NSD1: variants seen among roughly 807,000 people sequenced by gnomAD.
NSD1 encodes the protein nuclear receptor binding SET domain protein 1, also known as histone-lysine N-methyltransferase, H3 lysine-36 specific.
In NSD1, 26 loss-of-function variants were observed where a neutral mutation model predicts 242.7. The observed-to-expected ratio is 0.11, with a 90% CI of 0.08 to 0.15. The LOEUF is 0.15. Among genes scored for constraint, NSD1 ranks in the 10% least tolerant of loss-of-function variants. The pLI is 1.00. For synonymous variants in NSD1, 1,106 were observed against 1,178.1 expected (o/e 0.94, Z 1.25); for missense variants, 2,495 against 3,272.8 (o/e 0.76, Z 5.80).
In NSD1 at chr5:177,283,938, A is replaced by G; in HGVS notation, c.6151+10A>G. The G allele has an allele frequency of 6.2e-7, 1 of 1,614,040 alleles. No homozygotes were observed. Among genetic ancestry groups the G allele is most frequent in the Non-Finnish European group, 8.5e-7 (1 of 1,179,912 alleles). On this transcript the variant is annotated intron_variant, in intron 20 of 22. Transcript: ENST00000439151. ...AGTGACATTAAAGCAGGTAAGAATC[A>G]TTTCAGGATTCTGCAGCTGACATCT... is the stretch of plus-strand genomic sequence containing the variant.
rs940627218 is a variant in NSD1, at chr5:177,252,548, T to C, written c.4765+695T>C. On this transcript the variant is annotated intron_variant, in intron 12 of 22. Coordinates refer to ENST00000439151, the MANE Select transcript of NSD1 (RefSeq NM_022455.5). ...GCTAAAGTAAAGTGTTCTTTTTTTT[T>C]TTTTTTTTTTTTTTTTTTTTTAATA... is the stretch of plus-strand genomic sequence containing the variant. 4.3e-4 allele frequency among the ~76,000 whole-genome samples: 56 copies of C among 130,404 alleles called. 1 individual carries two copies. In the East Asian group the frequency reaches 6.3e-3, roughly 15 times the overall value. The allele number at this position is 130,404 out of a possible 152,430, so 85.6% of individuals were successfully genotyped here.
chr5:177,246,808 T>A lies in NSD1; in HGVS notation c.4497+12T>A, dbSNP rs1359270129. ...TTCCAGGCTCAGAGGTATTACTCAG[T>A]TCCTGATCTTTTCACCTTCTAAAGA... On this transcript the variant is annotated intron_variant, in intron 10 of 22. Coordinates refer to ENST00000439151, the MANE Select transcript of NSD1 (RefSeq NM_022455.5). The A allele has an allele frequency of 1.9e-6, 3 of 1,570,866 alleles. No homozygotes were observed. Among genetic ancestry groups the A allele is most frequent in the Non-Finnish European group, 2.6e-6 (3 of 1,140,878 alleles).
At chr5:177,288,656 G>T in intron 20 of NSD1, 163 bp from the exon 21 acceptor site, 1 of 607,748 alleles carries the variant, frequency 1.6e-6, no homozygotes, top group Non-Finnish European at 2.9e-6. Flanking sequence ...TGTATTACCT[G>T]ATTATTAATG....
chr5:177,253,452 G>A (rs1286980818), intron 12 of NSD1, among the ~76,000 whole-genome samples: 1 of 151,820 alleles, frequency 6.6e-6, no homozygotes, highest in Non-Finnish European at 1.5e-5. Context: ...TGTATTGATA[G>A]TTCATTTCTT....
At chr5:177,287,690 T>C (rs2127268668) in intron 20 of NSD1, among the ~76,000 whole-genome samples, 1 of 152,160 alleles carries the variant, frequency 6.6e-6, no homozygotes, top group African/African-American at 2.4e-5. Flanking sequence ...CCACGAAAGA[T>C]TCAATCCAGT....
chr5:177,299,193 A>G lies in NSD1; in HGVS notation c.*3734A>G, dbSNP rs570388985. The G allele has an allele frequency of 4.3e-6, 1 of 233,298 alleles. No individual in the cohort carries two copies. Among genetic ancestry groups the G allele is most frequent in the South Asian group, 1.8e-4 (1 of 5,528 alleles). The allele number at this position is 233,298 out of a possible 1,614,324, so 14.5% of individuals were successfully genotyped here. On this transcript the variant is annotated 3_prime_UTR_variant, in exon 23 of 23. Transcript: ENST00000439151. ...TTTGTACACACACACAATAAAATGT[A>G]ATGATGGTGCTAATTTCACGGTATA...
At chr5:177,137,402 T>G (rs1562101455) in intron 2 of NSD1, 1 of 152,428 alleles carries the variant, frequency 6.6e-6, no homozygotes, top group Non-Finnish European at 1.5e-5. Flanking sequence ...TCGCTTTACC[T>G]TATATCCCTG....
chr5:177,260,315 C>G (rs955710405), intron 14 of NSD1, 147 bp downstream of exon 14: 63 of 689,032 alleles, frequency 9.1e-5, no homozygotes, highest in Non-Finnish European at 1.4e-4. Flanking sequence ...AATGATGTCC[C>G]GAATTAATGA....
chr5:177,205,731 T>A (rs1253536454), intron 4 of NSD1, among the ~76,000 whole-genome samples: 1 of 151,970 alleles, frequency 6.6e-6, no homozygotes, highest in Non-Finnish European at 1.5e-5. Flanking sequence ...TTTGTCTCTA[T>A]GATTTAATAT....
intron 2 of NSD1, among the ~76,000 whole-genome samples, chr5:177,168,642 G>A (rs983545038): frequency 7.2e-5 from 11 of 151,926 alleles, no homozygotes; most frequent in Non-Finnish European, 1.5e-4. Flanking sequence ...TGTATTTTTA[G>A]TAGAGATGGA....
intron 5 of NSD1, among the ~76,000 whole-genome samples, chr5:177,222,031 G>A (rs1228620073): frequency 2.0e-5 from 3 of 152,034 alleles, no homozygotes; most frequent in South Asian, 4.1e-4. Context: ...GGCTAGTCTC[G>A]AACTCCTGAT....
intron 8 of NSD1, among the ~76,000 whole-genome samples, chr5:177,243,246 G>A (rs1373284013): frequency 2.6e-5 from 4 of 151,934 alleles, no homozygotes; most frequent in Non-Finnish European, 4.4e-5. Flanking sequence ...GTGCAGTGGC[G>A]CGATCTTGGC....
At chr5:177,183,259 T>C (rs1354642080) in intron 2 of NSD1, among the ~76,000 whole-genome samples, 1 of 152,224 alleles carries the variant, frequency 6.6e-6, no homozygotes, top group African/African-American at 2.4e-5. Flanking sequence ...CACAGACTAT[T>C]GTGTAGTGTA....
intron 21 of NSD1, 145 bp downstream of exon 21, chr5:177,289,070 A>G (rs1759566582): frequency 1.4e-6 from 1 of 700,600 alleles, no homozygotes; most frequent in Non-Finnish European, 2.6e-6. Flanking sequence ...CTGTAATCCC[A>G]GCACTTTGGG....
At chr5:177,255,367 A>G (rs1348021930) in intron 12 of NSD1, among the ~76,000 whole-genome samples, 1 of 152,026 alleles carries the variant, frequency 6.6e-6, no homozygotes, top group Non-Finnish European at 1.5e-5. Flanking sequence ...TTACAAATAC[A>G]TATTCAAATA....
Position 177,296,630 on chromosome 5 carries a change from T to A in NSD1, c.*1171T>A, listed in dbSNP as rs1387737512. On this transcript the variant is annotated 3_prime_UTR_variant, in exon 23 of 23. Coordinates refer to ENST00000439151, the MANE Select transcript of NSD1 (RefSeq NM_022455.5). ...GAGAGCACCTGCCTGCTGACTTAGC[T>A]CAAAGGCAAGCCAGAACCCTTCCCT... 4.3e-6 allele frequency: 1 copy of A among 233,166 alleles called. No homozygotes were observed. The highest frequency in any genetic ancestry group is 8.5e-6 in the Non-Finnish European group (1 of 118,098). 14.4% of individuals were successfully genotyped at this position (233,166 alleles called of 1,614,324 possible).
At chr5:177,266,630 G>A in intron 14 of NSD1, 1 of 533,414 alleles carries the variant, frequency 1.9e-6, no homozygotes, top group Non-Finnish European at 2.9e-6. Flanking sequence ...CAAGACCCCC[G>A]CCTTTTTCTA....
intron 2 of NSD1, among the ~76,000 whole-genome samples, chr5:177,157,557 G>C (rs559744782): frequency 2.0e-5 from 3 of 152,024 alleles, no homozygotes; most frequent in African/African-American, 7.2e-5. Context: ...AAATTAGCCC[G>C]GTGTGGTGGC....
At chr5:177,187,259 C>T (rs920719123) in intron 2 of NSD1, among the ~76,000 whole-genome samples, 1 of 151,940 alleles carries the variant, frequency 6.6e-6, no homozygotes, top group Non-Finnish European at 1.5e-5. Flanking sequence ...CACACACCAC[C>T]ATGCTCGGCT....
Sources: allele counts gnomAD v4.1 joint callset (sites outside exome capture counted in the v4.1 genomes callset), GRCh38; gene constraint gnomAD v4.1.1; transcripts MANE v1.5; gene names NCBI Gene and HGNC (gene_info 2026-07-23, HGNC 2026-07-21).